CAMK1D: variants seen among roughly 807,000 people sequenced by gnomAD.
CAMK1D encodes calcium/calmodulin dependent protein kinase ID.
In CAMK1D, 9 loss-of-function variants were observed where a neutral mutation model predicts 47.7. The ratio of observed to expected loss-of-function variants is 0.19; its 90% confidence interval spans 0.11 to 0.33. The LOEUF (loss-of-function observed/expected upper bound fraction) is 0.33, where lower values mean the gene tolerates loss of function less well. Ranked by LOEUF, CAMK1D falls within the 10% of genes least tolerant of loss-of-function variation. The pLI is 1.00. For synonymous variants in CAMK1D, 184 were observed against 184.9 expected, an observed-to-expected ratio of 0.99 and a Z score of 0.04; for missense variants, 291 against 488.7, an observed-to-expected ratio of 0.60 and a Z score of 3.81.
intron 5 of CAMK1D, among the ~76,000 whole-genome samples, chr10:12,776,682 G>C (rs1206958279): frequency 6.6e-6 from 1 of 151,934 alleles, no homozygotes; most frequent in Admixed American, 6.6e-5. Context: ...CGTAACTCCT[G>C]CCTGAAGGAA....
intron 1 of CAMK1D, among the ~76,000 whole-genome samples, chr10:12,368,920 C>A (rs1205399167): frequency 6.6e-6 from 1 of 152,078 alleles, no homozygotes; most frequent in Non-Finnish European, 1.5e-5. Flanking sequence ...TGAGTTCAAG[C>A]GATTCTCCTG....
At chr10:12,460,556 C>T (rs985531323) in intron 1 of CAMK1D, among the ~76,000 whole-genome samples, 5 of 152,170 alleles carry the variant, frequency 3.3e-5, no homozygotes, top group Non-Finnish European at 7.4e-5. Flanking sequence ...CCTCAGCCTC[C>T]TGAGTAGCTG....
chr10:12,418,669 C>T (rs949952687), intron 1 of CAMK1D, among the ~76,000 whole-genome samples: 1 of 152,224 alleles, frequency 6.6e-6, no homozygotes. Flanking sequence ...CTTCTTATCA[C>T]ATCCTTGCCA....
intron 2 of CAMK1D, among the ~76,000 whole-genome samples, chr10:12,649,266 T>C (rs1588732375): frequency 1.3e-5 from 2 of 152,222 alleles, no homozygotes; most frequent in Admixed American, 6.5e-5. Flanking sequence ...CTCTGCGCTG[T>C]GTTGTCAGGT....
chr10:12,441,952 A>G (rs2132014119), intron 1 of CAMK1D, among the ~76,000 whole-genome samples: 1 of 152,376 alleles, frequency 6.6e-6, no homozygotes, highest in South Asian at 2.1e-4. Context: ...TCAAATCTCT[A>G]GGACACAGAA....
chr10:12,679,430 A>G (rs1410433158), intron 3 of CAMK1D, among the ~76,000 whole-genome samples: 1 of 152,238 alleles, frequency 6.6e-6, no homozygotes, highest in African/African-American at 2.4e-5. Context: ...AAATACGGAT[A>G]GTATCACCAT....
At chr10:12,621,798 T>C (rs1379589801) in intron 2 of CAMK1D, among the ~76,000 whole-genome samples, 1 of 125,632 alleles carries the variant, frequency 8.0e-6, no homozygotes, top group African/African-American at 2.5e-5. Flanking sequence ...TTTTTAGTTC[T>C]AGTTGTGTGT....
intron 3 of CAMK1D, among the ~76,000 whole-genome samples, chr10:12,743,809 G>A (rs1353834232): frequency 6.6e-6 from 1 of 152,164 alleles, no homozygotes; most frequent in Non-Finnish European, 1.5e-5. Context: ...GATCACCTGA[G>A]GTCAGGAGTT....
chr10:12,798,321 CAT>C (rs1022914607), intron 6 of CAMK1D, among the ~76,000 whole-genome samples: 18 of 152,340 alleles, frequency 1.2e-4, no homozygotes, highest in East Asian at 1.9e-4. Context: ...TCGAGCCTAA[CAT>C]GTGTCAGGCA....
At chr10:12,600,551 A>G (rs187716630) in intron 2 of CAMK1D, among the ~76,000 whole-genome samples, 2 of 152,318 alleles carry the variant, frequency 1.3e-5, no homozygotes, top group African/African-American at 4.8e-5. Context: ...CTTTTTAGCA[A>G]CCAAGAAGTC....
At chr10:12,389,723 G>A (rs1391167877) in intron 1 of CAMK1D, among the ~76,000 whole-genome samples, 5 of 152,152 alleles carry the variant, frequency 3.3e-5, no homozygotes, top group African/African-American at 9.7e-5. Context: ...AGATGAAAAC[G>A]CCCTCTCTGG....
intron 3 of CAMK1D, among the ~76,000 whole-genome samples, chr10:12,689,280 A>G (rs936110546): frequency 2.0e-5 from 3 of 152,218 alleles, no homozygotes; most frequent in Admixed American, 2.0e-4. Context: ...AGCTGAAACG[A>G]TATTAATTGG....
rs904923894 is a variant in CAMK1D, at chr10:12,831,475, A to T, written c.*2588A>T. ...AAAGCAGCATTTGAAGCTGAGTTCC[A>T]TTACTGGTGATTGAAGTATTTTCAG... is the stretch of plus-strand genomic sequence containing the variant. On this transcript the variant is annotated 3_prime_UTR_variant, in exon 11 of 11. Transcript: ENST00000619168. 1 of 152,252 alleles carries T rather than the reference A, an allele frequency of 6.6e-6. No individual in the cohort carries two copies. The highest frequency in any genetic ancestry group is 1.5e-5 in the Non-Finnish European group (1 of 68,046). 9.4% of individuals were successfully genotyped at this position (152,252 alleles called of 1,614,324 possible).
chr10:12,751,060 AGATAAGATAAGATAAGATAAGAT>A (rs1384706559), intron 3 of CAMK1D, among the ~76,000 whole-genome samples: 5 of 1,390 alleles, frequency 3.6e-3, no homozygotes, highest in African/African-American at 7.5e-3. Context: ...CAATAAGATA[AGATAAGATAAGATAAGATAAGAT>A]AAGATAAGAT....
At chr10:12,374,993 C>T (rs1838134521) in intron 1 of CAMK1D, among the ~76,000 whole-genome samples, 1 of 150,246 alleles carries the variant, frequency 6.7e-6, no homozygotes, top group African/African-American at 2.5e-5. Context: ...GGGGGTCTCA[C>T]TATGTGTTGC....
chr10:12,381,196 C>T (rs1024315343), intron 1 of CAMK1D, among the ~76,000 whole-genome samples: 1 of 152,156 alleles, frequency 6.6e-6, no homozygotes, highest in African/African-American at 2.4e-5. Context: ...CGGGCCCCGC[C>T]CCTTATAAAG....
intron 1 of CAMK1D, among the ~76,000 whole-genome samples, chr10:12,495,029 C>T (rs1266696614): frequency 6.6e-6 from 1 of 152,120 alleles, no homozygotes; most frequent in Non-Finnish European, 1.5e-5. Flanking sequence ...TCATGGAAAA[C>T]CTTCTTATTG....
intron 5 of CAMK1D, among the ~76,000 whole-genome samples, chr10:12,771,664 G>T (rs938271487): frequency 6.6e-6 from 1 of 152,206 alleles, no homozygotes; most frequent in East Asian, 1.9e-4. Context: ...GGACACCATC[G>T]CAGGGGGGCT....
intron 3 of CAMK1D, among the ~76,000 whole-genome samples, chr10:12,716,110 A>G (rs1294585012): frequency 1.3e-5 from 2 of 151,844 alleles, no homozygotes; most frequent in Non-Finnish European, 2.9e-5. Context: ...AGGAAGGGGG[A>G]GAATGAGGGG....
Sources: gnomAD v4.1 joint callset for allele counts (sites outside exome capture counted in the v4.1 genomes callset) on GRCh38, gnomAD v4.1.1 for gene constraint, MANE v1.5 for transcripts, NCBI Gene and HGNC (gene_info 2026-07-23, HGNC 2026-07-21) for gene names.